The following NXPH2 variants were observed in gnomAD, a reference collection of about 807,000 sequenced individuals.
NXPH2 encodes the protein neurexophilin 2.
Under a neutral mutation model 19.8 loss-of-function variants are expected in NXPH2, and 5 were observed. The observed-to-expected ratio is 0.25, with a 90% CI of 0.13 to 0.53. The LOEUF (loss-of-function observed/expected upper bound fraction) is 0.53. NXPH2 is among the 20% of genes least tolerant of loss of function. The pLI, the probability that NXPH2 is intolerant of heterozygous loss-of-function variation, is 0.96. For synonymous variants in NXPH2, 154 were observed against 127.4 expected, an observed-to-expected ratio of 1.21 and a Z score of -1.41; for missense variants, 289 against 322.8, an observed-to-expected ratio of 0.90 and a Z score of 0.80.
At chr2:138,747,504 C>T (rs1171183427) in intron 1 of NXPH2, among the ~76,000 whole-genome samples, 1 of 152,160 alleles carries the variant, frequency 6.6e-6, no homozygotes, top group Admixed American at 6.5e-5. Flanking sequence ...TGACCTGTCC[C>T]CTCCCATGGC....
chr2:138,759,623 A>G (rs1036186325), intron 1 of NXPH2, among the ~76,000 whole-genome samples: 1 of 151,916 alleles, frequency 6.6e-6, no homozygotes, highest in African/African-American at 2.4e-5. Context: ...TTCCACTTGT[A>G]TATCACGAGC....
At chr2:138,771,344 T>A (rs1682171268) in intron 1 of NXPH2, among the ~76,000 whole-genome samples, 1 of 152,034 alleles carries the variant, frequency 6.6e-6, no homozygotes. Flanking sequence ...ATAATTATTA[T>A]AAAAGCATAC....
rs1321645156 is a variant in NXPH2 at position 138,773,398 on chromosome 2, A to G, written c.51+6793T>C. On this transcript the variant is annotated intron_variant, in intron 1 of 1. Transcript: ENST00000272641. The stretch of plus-strand genomic sequence containing the variant: ...ATTAATACATATTCCTGTTATCATT[A>G]CTACAAAATGTTAAATGATGCTTTA... 3.9e-5 allele frequency among the ~76,000 whole-genome samples: 6 copies of G among 152,298 alleles called. No homozygotes were observed. In the East Asian group the frequency reaches 1.2e-3, roughly 29 times the overall value.
At chr2:138,769,075 A>C (rs2104843112) in intron 1 of NXPH2, among the ~76,000 whole-genome samples, 1 of 152,358 alleles carries the variant, frequency 6.6e-6, no homozygotes, top group South Asian at 2.1e-4. Flanking sequence ...ATTTAGACTC[A>C]CTGTGTTCAG....
chr2:138,679,600 A>G (rs371263255), intron 1 of NXPH2, among the ~76,000 whole-genome samples: 2 of 152,046 alleles, frequency 1.3e-5, no homozygotes, highest in South Asian at 2.1e-4. Flanking sequence ...AGGTTTCTCC[A>G]TGTTGTTCAT....
chr2:138,672,796 T>C (rs990430657), intron 1 of NXPH2, among the ~76,000 whole-genome samples: 1 of 152,212 alleles, frequency 6.6e-6, no homozygotes, highest in Non-Finnish European at 1.5e-5. Flanking sequence ...GTAAAAATGG[T>C]TTCAGATTAT....
chr2:138,706,281 A>G (rs559510305), intron 1 of NXPH2, among the ~76,000 whole-genome samples: 2 of 152,358 alleles, frequency 1.3e-5, no homozygotes, highest in East Asian at 3.9e-4. Context: ...TGCTTAAGGA[A>G]TTAAGTTGGC....
intron 1 of NXPH2, among the ~76,000 whole-genome samples, chr2:138,729,815 G>T (rs1681418739): frequency 2.6e-5 from 4 of 152,144 alleles, no homozygotes; most frequent in African/African-American, 9.7e-5. Context: ...CTCTTTAAGG[G>T]CTTATGACTC....
intron 1 of NXPH2, among the ~76,000 whole-genome samples, chr2:138,711,054 G>A (rs904014973): frequency 2.6e-5 from 4 of 151,340 alleles, no homozygotes; most frequent in Non-Finnish European, 5.9e-5. Context: ...AAATGTTATC[G>A]CTGCACCATT....
chr2:138,695,466 A>T (rs1396901300), intron 1 of NXPH2, among the ~76,000 whole-genome samples: 2 of 152,170 alleles, frequency 1.3e-5, no homozygotes, highest in African/African-American at 4.8e-5. Context: ...GAATAATGTG[A>T]AGATATTACT....
intron 1 of NXPH2, among the ~76,000 whole-genome samples, chr2:138,677,083 A>G (rs1020751773): frequency 1.3e-5 from 2 of 152,220 alleles, no homozygotes; most frequent in African/African-American, 2.4e-5. Flanking sequence ...TGTGAGAAGA[A>G]TGTAGGTGGC....
At chr2:138,680,297 A>G (rs1205931898) in intron 1 of NXPH2, among the ~76,000 whole-genome samples, 1 of 152,256 alleles carries the variant, frequency 6.6e-6, no homozygotes, top group Non-Finnish European at 1.5e-5. Context: ...TGCAAAGTGG[A>G]AAGTGAATTA....
At chr2:138,713,434 C>T (rs1300270732) in intron 1 of NXPH2, among the ~76,000 whole-genome samples, 1 of 152,184 alleles carries the variant, frequency 6.6e-6, no homozygotes, top group Non-Finnish European at 1.5e-5. Flanking sequence ...GTACTTCACT[C>T]AGAGCTTTGC....
At chr2:138,758,548 C>A (rs1225152615) in intron 1 of NXPH2, among the ~76,000 whole-genome samples, 1 of 152,190 alleles carries the variant, frequency 6.6e-6, no homozygotes, top group Admixed American at 6.5e-5. Context: ...AATAGTGTTT[C>A]TCTTCATGCC....
intron 1 of NXPH2, among the ~76,000 whole-genome samples, chr2:138,779,249 C>T (rs1304957429): frequency 1.3e-5 from 2 of 152,164 alleles, no homozygotes; most frequent in African/African-American, 4.8e-5. Flanking sequence ...AGCTAAGTGA[C>T]CAGAAGAAAT....
intron 1 of NXPH2, among the ~76,000 whole-genome samples, chr2:138,769,111 T>C (rs193160792): frequency 4.6e-5 from 7 of 152,336 alleles, no homozygotes. Flanking sequence ...ATCTCACTCT[T>C]AATAGTGTAG....
chr2:138,707,696 A>G (rs1204436698), intron 1 of NXPH2, among the ~76,000 whole-genome samples: 12 of 152,208 alleles, frequency 7.9e-5, no homozygotes, highest in African/African-American at 2.7e-4. Flanking sequence ...ATTTTCAACT[A>G]AAACTTTTCC....
In NXPH2 at chr2:138,709,858, C is replaced by G. The variant is rs542588658; in HGVS notation, c.52-38193G>C. 1.7e-3 allele frequency among the ~76,000 whole-genome samples: 265 copies of G among 152,308 alleles called. 1 individual carries two copies. The highest frequency in any genetic ancestry group is 6.2e-3 in the African/African-American group (256 of 41,570). On this transcript the variant is annotated intron_variant, in intron 1 of 1. Coordinates refer to ENST00000272641, the MANE Select transcript of NXPH2 (RefSeq NM_007226.3). ...TTCATGGTTTAATCATTTCTTTCAC[C>G]TGTGGAATAACATTCCATTGCCTGG...
chr2:138,774,694 C>T (rs779607949), intron 1 of NXPH2, among the ~76,000 whole-genome samples: 1 of 152,212 alleles, frequency 6.6e-6, no homozygotes, highest in Non-Finnish European at 1.5e-5. Flanking sequence ...CACACACTCA[C>T]ACCCTTGGAC....
Sources: gnomAD v4.1 joint callset for allele counts (sites outside exome capture counted in the v4.1 genomes callset) on GRCh38, gnomAD v4.1.1 for gene constraint, MANE v1.5 for transcripts, NCBI Gene and HGNC (gene_info 2026-07-23, HGNC 2026-07-21) for gene names.